The following CSMD1 variants were observed in gnomAD, a reference collection of about 807,000 sequenced individuals.
CSMD1 encodes the protein CUB and sushi domain-containing protein 1.
CSMD1 carries 213 observed loss-of-function variants against 417.5 expected under a neutral mutation model. The observed-to-expected ratio is 0.51, with a 90% CI of 0.46 to 0.57. CSMD1 has a LOEUF of 0.57. Among genes scored for constraint, CSMD1 ranks in the 20% least tolerant of loss-of-function variants. CSMD1 has a pLI of 0.00. For missense variants in CSMD1, 6,923 were observed against 4,529.7 expected (o/e 1.53, Z -15.17); for synonymous variants, 2,862 against 1,736.8 (o/e 1.65, Z -16.11).
At chr8:3,954,324 G>A (rs544311098) in intron 5 of CSMD1, among the ~76,000 whole-genome samples, 7 of 152,286 alleles carry the variant, frequency 4.6e-5, no homozygotes, top group East Asian at 3.9e-4. Flanking sequence ...CGCGAAGGCT[G>A]AAGAGAGAAG....
At chr8:3,985,862 T>G (rs1186371705) in intron 5 of CSMD1, among the ~76,000 whole-genome samples, 3 of 151,542 alleles carry the variant, frequency 2.0e-5, no homozygotes, top group Non-Finnish European at 4.4e-5. Flanking sequence ...TGTCTGAGCA[T>G]CAGATAATTT....
chr8:4,002,259 GTGTT>G lies in CSMD1; in HGVS notation c.611-4153_611-4150del, dbSNP rs748096599. Reference sequence around the variant, plus strand: ...TGTGCGTGTGTTTGTGTGTATGTGTGTGTTTGTGTTTGAAAGCACCTGCTATAGT... The same window carrying G: ...TGTGCGTGTGTTTGTGTGTATGTGTGTGTGTTTGAAAGCACCTGCTATAGT... On this transcript the variant is annotated intron_variant, in intron 4 of 69. Transcript: ENST00000635120. Among the ~76,000 whole-genome samples the G allele has an allele frequency of 9.5e-4, 144 of 152,126 alleles. 3 individuals carry two copies. The East Asian group carries it at 0.021, about 23-fold the overall frequency.
intron 1 of CSMD1, among the ~76,000 whole-genome samples, chr8:4,921,615 C>G (rs545246985): frequency 1.3e-5 from 2 of 152,210 alleles, no homozygotes; most frequent in Admixed American, 6.5e-5. Flanking sequence ...TTTTATTTTA[C>G]TCAGATAATG....
chr8:4,540,118 A>G (rs1797305727), intron 2 of CSMD1, among the ~76,000 whole-genome samples: 1 of 152,208 alleles, frequency 6.6e-6, no homozygotes, highest in African/African-American at 2.4e-5. Context: ...CCCTATGAAT[A>G]TATAAACACC....
chr8:4,820,380 G>A lies in CSMD1; in HGVS notation c.85+173952C>T, dbSNP rs576303700. Among the ~76,000 whole-genome samples, 11 of 152,268 alleles carry A rather than the reference G, an allele frequency of 7.2e-5. No homozygotes were observed. In the South Asian group the frequency reaches 1.9e-3, roughly 26 times the overall value. ...TCATATGCACTTCTATGATTTTTAA[G>A]CATTTTAATAGAGCTTGCTTGGCAA... is the stretch of plus-strand genomic sequence containing the variant. On this transcript the variant is annotated intron_variant, in intron 1 of 69. Transcript: ENST00000635120.
chr8:4,370,772 C>T (rs535092505), intron 3 of CSMD1, among the ~76,000 whole-genome samples: 36 of 152,310 alleles, frequency 2.4e-4, no homozygotes, highest in South Asian at 1.4e-3. Context: ...AAATTTAATT[C>T]ACAAGATCCA....
chr8:3,015,620 C>T (rs955304917), intron 52 of CSMD1, among the ~76,000 whole-genome samples: 5 of 151,858 alleles, frequency 3.3e-5, no homozygotes, highest in African/African-American at 1.2e-4. Context: ...ATATATATAT[C>T]TCCTTACCAA....
At chr8:3,480,941 G>A (rs548816955) in intron 11 of CSMD1, among the ~76,000 whole-genome samples, 20 of 152,080 alleles carry the variant, frequency 1.3e-4, no homozygotes, top group Admixed American at 2.0e-4. Context: ...CGGATCACAA[G>A]GTCAGGAGAT....
intron 69 of CSMD1, among the ~76,000 whole-genome samples, chr8:2,940,982 C>G (rs766675555): frequency 1.8e-4 from 27 of 152,206 alleles, no homozygotes; most frequent in Admixed American, 1.1e-3. Flanking sequence ...AGAAGCTCAT[C>G]TGATCATGGC....
intron 3 of CSMD1, among the ~76,000 whole-genome samples, chr8:4,034,157 G>C (rs13252867): frequency 0.12 from 18,635 of 152,144 alleles, 1,492 homozygotes; most frequent in South Asian, 0.23. Context: ...GAGTAACATA[G>C]AGAACATTTT....
Position 3,701,832 on chromosome 8 carries a change from A to C in CSMD1, c.1009+6582T>G, listed in dbSNP as rs539712610. ...GTTTTAAAATCTGCCCTTCCAAATT[A>C]TGCCTGAGCCACAACAAAAGCCAGA... On this transcript the variant is annotated intron_variant, in intron 7 of 69. Transcript: ENST00000635120. Among the ~76,000 whole-genome samples, 5 of 152,282 alleles carry C rather than the reference A, an allele frequency of 3.3e-5. No homozygotes were observed. In the East Asian group the frequency reaches 9.7e-4, roughly 29 times the overall value.
chr8:3,177,654 A>C (rs560150758), intron 37 of CSMD1, among the ~76,000 whole-genome samples: 1 of 149,188 alleles, frequency 6.7e-6, no homozygotes, highest in African/African-American at 2.6e-5. Context: ...AAGAAATAAT[A>C]AAAAAACAGA....
chr8:4,601,520 T>C (rs1234276975), intron 2 of CSMD1, among the ~76,000 whole-genome samples: 1 of 152,120 alleles, frequency 6.6e-6, no homozygotes, highest in Non-Finnish European at 1.5e-5. Flanking sequence ...ACAGAGATCA[T>C]AAAGGAACTT....
intron 41 of CSMD1, among the ~76,000 whole-genome samples, chr8:3,120,332 A>G (rs914263796): frequency 6.6e-6 from 1 of 152,114 alleles, no homozygotes; most frequent in Admixed American, 6.5e-5. Flanking sequence ...ATCAACATAA[A>G]GATAATGTGA....
intron 1 of CSMD1, among the ~76,000 whole-genome samples, chr8:4,955,299 T>C (rs946975109): frequency 6.6e-6 from 1 of 152,186 alleles, no homozygotes; most frequent in Non-Finnish European, 1.5e-5. Context: ...TGTAATTAAT[T>C]TGTATTTTAA....
chr8:3,490,604 A>G (rs1044914182), intron 11 of CSMD1, among the ~76,000 whole-genome samples: 59 of 152,246 alleles, frequency 3.9e-4, no homozygotes, highest in African/African-American at 1.4e-3. Context: ...CAGGCTGGAA[A>G]AGTTTATTAT....
intron 5 of CSMD1, among the ~76,000 whole-genome samples, chr8:3,890,938 C>T (rs534681811): frequency 4.9e-5 from 7 of 141,792 alleles, no homozygotes; most frequent in South Asian, 4.2e-4. Flanking sequence ...CTCTCTCATA[C>T]GACTCTCATA....
intron 3 of CSMD1, among the ~76,000 whole-genome samples, chr8:4,191,691 G>C (rs1419222588): frequency 1.4e-5 from 2 of 147,082 alleles, no homozygotes; most frequent in Non-Finnish European, 3.0e-5. Flanking sequence ...AGTTCTTTGT[G>C]CCTTTACCAA....
chr8:3,527,777 G>C (rs1378198151), intron 10 of CSMD1, among the ~76,000 whole-genome samples: 2 of 152,144 alleles, frequency 1.3e-5, no homozygotes, highest in African/African-American at 2.4e-5. Context: ...CAACCCTTTG[G>C]ATCTGTAAGT....
Sources: gnomAD v4.1 joint callset for allele counts (sites outside exome capture counted in the v4.1 genomes callset) on GRCh38, gnomAD v4.1.1 for gene constraint, MANE v1.5 for transcripts, NCBI Gene and HGNC (gene_info 2026-07-23, HGNC 2026-07-21) for gene names.